Variants in PRKCH observed in about 807,000 individuals in gnomAD.
PRKCH encodes the protein protein kinase C eta type.
Under a neutral mutation model 82.5 loss-of-function variants are expected in PRKCH, and 28 were observed. The ratio of observed to expected loss-of-function variants is 0.34; its 90% CI spans 0.25 to 0.47. The LOEUF (loss-of-function observed/expected upper bound fraction) is 0.47, where lower values mean the gene tolerates loss of function less well. Among genes scored for constraint, PRKCH ranks in the 20% least tolerant of loss-of-function variants. The pLI is 1.00. For synonymous variants in PRKCH, 322 were observed against 327.4 expected (o/e 0.98, Z 0.18); for missense variants, 705 against 881.8 (o/e 0.80, Z 2.54).
intron 1 of PRKCH, among the ~76,000 whole-genome samples, chr14:61,324,193 G>T (rs956163589): frequency 6.6e-6 from 1 of 152,204 alleles, no homozygotes; most frequent in Non-Finnish European, 1.5e-5. Context: ...GGACTTCTTG[G>T]TGTCATAAGT....
chr14:61,266,832 G>A (rs1189714830), intron 1 of PRKCH, among the ~76,000 whole-genome samples: 2 of 152,246 alleles, frequency 1.3e-5, no homozygotes, highest in African/African-American at 2.4e-5. Context: ...CTGATTCCCC[G>A]AGCTTTGCTG....
At chr14:61,228,681 A>C (rs961128418) in intron 1 of PRKCH, among the ~76,000 whole-genome samples, 2 of 152,016 alleles carry the variant, frequency 1.3e-5, no homozygotes, top group Admixed American at 6.6e-5. Flanking sequence ...TTCTATATGT[A>C]TTTTGCTTTC....
At position 61,315,808 on chromosome 14, in the gene PRKCH, C is replaced by T. The variant is rs1003654315; in HGVS notation, c.-19+128140C>T. On this transcript the variant is annotated intron_variant, in intron 1 of 3. Coordinates refer to the PRKCH transcript ENST00000555185. ...TGTCACCCAGGCTGGAGTGCAATGG[C>T]GTGATCTTGGCTCACTGCAGCTCTT... Among the ~76,000 whole-genome samples, 20 of 147,040 alleles carry T rather than the reference C, an allele frequency of 1.4e-4. No individual in the cohort carries two copies. The East Asian group carries it at 3.4e-3, about 25-fold the overall frequency.
chr14:61,369,766 T>C lies in PRKCH; in HGVS notation c.364-21459T>C, dbSNP rs2046341937. ...GGGAGTAGATTCCCCAGAAGAATTATATTATTAATAGCAACTAACCAAAGG... is the reference window on the plus strand; with the variant it reads ...GGGAGTAGATTCCCCAGAAGAATTACATTATTAATAGCAACTAACCAAAGG... On this transcript the variant is annotated intron_variant, in intron 1 of 13. Transcript: ENST00000332981. Among the ~76,000 whole-genome samples the C allele has an allele frequency of 2.6e-5, 4 of 152,050 alleles. No homozygotes were observed. The South Asian group carries it at 8.3e-4, about 31-fold the overall frequency.
rs142000632 is a variant in PRKCH, at chr14:61,531,190, T to C, written c.1761+595T>C. On this transcript the variant is annotated intron_variant, in intron 12 of 13. Coordinates refer to ENST00000332981, the MANE Select transcript of PRKCH (RefSeq NM_006255.5). ...TGTGTGTGCATTTAAGGCACTGTGC[T>C]GGATGCCTTTGAATTGAGGATAAAC... Among the ~76,000 whole-genome samples the C allele has an allele frequency of 3.1e-3, 469 of 152,350 alleles. 4 individuals are homozygous for C. The highest frequency in any genetic ancestry group is 0.011 in the African/African-American group (446 of 41,578).
At chr14:61,524,496 C>T (rs1850452775) in intron 10 of PRKCH, among the ~76,000 whole-genome samples, 1 of 152,188 alleles carries the variant, frequency 6.6e-6, no homozygotes, top group Non-Finnish European at 1.5e-5. Flanking sequence ...TTGTAATCTT[C>T]ATTGTGTAGC....
chr14:61,434,802 C>A (rs1883596279), intron 2 of PRKCH, among the ~76,000 whole-genome samples: 1 of 152,106 alleles, frequency 6.6e-6, no homozygotes, highest in African/African-American at 2.4e-5. Flanking sequence ...GAGAGGATCA[C>A]CTGAGCCCAG....
intron 1 of PRKCH, among the ~76,000 whole-genome samples, chr14:61,260,573 T>C (rs1036185622): frequency 1.3e-5 from 2 of 152,214 alleles, no homozygotes; most frequent in Admixed American, 6.5e-5. Context: ...TCTGTAGCCA[T>C]TAAACTTTCA....
At chr14:61,345,671 A>G (rs1379097236) in intron 1 of PRKCH, among the ~76,000 whole-genome samples, 3 of 152,234 alleles carry the variant, frequency 2.0e-5, no homozygotes, top group Admixed American at 2.0e-4. Context: ...TTTAATCCTC[A>G]GAATACCTTC....
intron 12 of PRKCH, among the ~76,000 whole-genome samples, chr14:61,535,838 G>A (rs1477438750): frequency 6.6e-6 from 1 of 152,204 alleles, no homozygotes; most frequent in Non-Finnish European, 1.5e-5. Context: ...GGGAGAAACA[G>A]ATGAAACAAT....
intron 9 of PRKCH, among the ~76,000 whole-genome samples, chr14:61,481,296 C>A (rs1022635177): frequency 6.6e-6 from 1 of 152,162 alleles, no homozygotes; most frequent in East Asian, 1.9e-4. Context: ...GTAAAGCCTG[C>A]GCACCAGGCT....
chr14:61,438,815 G>C (rs981626300), intron 2 of PRKCH, among the ~76,000 whole-genome samples: 1 of 152,208 alleles, frequency 6.6e-6, no homozygotes, highest in African/African-American at 2.4e-5. Context: ...TGACAGTCCA[G>C]TTTTATGAAA....
intron 1 of PRKCH, among the ~76,000 whole-genome samples, chr14:61,221,143 T>A (rs1048319364): frequency 6.6e-6 from 1 of 152,188 alleles, no homozygotes; most frequent in South Asian, 2.1e-4. Context: ...ACAAAGTCGT[T>A]GAGAAGGTGG....
intron 12 of PRKCH, among the ~76,000 whole-genome samples, chr14:61,541,861 T>C (rs1183117630): frequency 6.6e-6 from 1 of 152,222 alleles, no homozygotes; most frequent in African/African-American, 2.4e-5. Flanking sequence ...TGAAGCTGCC[T>C]CCTGTGTGCC....
intron 10 of PRKCH, among the ~76,000 whole-genome samples, chr14:61,498,387 GT>G (rs2139944967): frequency 6.6e-6 from 1 of 152,260 alleles, no homozygotes; most frequent in South Asian, 2.1e-4. Context: ...GTAACCTGCT[GT>G]TTTATCAGTT....
intron 1 of PRKCH, among the ~76,000 whole-genome samples, chr14:61,267,286 AG>A (rs2140083707): frequency 6.6e-6 from 1 of 152,338 alleles, no homozygotes; most frequent in South Asian, 2.1e-4. Context: ...AGATTGAGAG[AG>A]TACAGCGAGA....
chr14:61,189,217 T>C (rs1046300200), intron 1 of PRKCH, among the ~76,000 whole-genome samples: 19 of 152,306 alleles, frequency 1.2e-4, no homozygotes, highest in African/African-American at 4.3e-4. Flanking sequence ...TGTTTGGGAA[T>C]CCCAGCGGGG....
At chr14:61,480,555 G>A (rs547419653) in intron 9 of PRKCH, among the ~76,000 whole-genome samples, 1 of 152,172 alleles carries the variant, frequency 6.6e-6, no homozygotes, top group Non-Finnish European at 1.5e-5. Context: ...TGCTTTTGTA[G>A]CTGATGTTGT....
Position 61,262,361 on chromosome 14 carries a change from G to T in PRKCH, c.-19+74693G>T, listed in dbSNP as rs542498909. 9.9e-5 allele frequency among the ~76,000 whole-genome samples: 15 copies of T among 152,154 alleles called. No individual in the cohort carries two copies. The South Asian group carries it at 3.1e-3, about 32-fold the overall frequency. On this transcript the variant is annotated intron_variant, in intron 1 of 3. Transcript: ENST00000555185. ...CAAAACACTACTCAGCAATAAAAAG[G>T]AATGAACTACAGATACACAGTATGA...
Sources: allele counts gnomAD v4.1 joint callset (sites outside exome capture counted in the v4.1 genomes callset), GRCh38; gene constraint gnomAD v4.1.1; transcripts MANE v1.5; gene names NCBI Gene and HGNC (gene_info 2026-07-23, HGNC 2026-07-21).